The following FABP6 variants were observed in gnomAD, a reference collection of about 807,000 sequenced individuals.
FABP6 encodes gastrotropin.
Under a neutral mutation model 14.9 loss-of-function variants are expected in FABP6, and 13 were observed. That is an observed-to-expected ratio of 0.87 (90% CI 0.57 to 1.39). FABP6 has a LOEUF of 1.39. Ranked by LOEUF, FABP6 falls within the 40% of genes most tolerant of loss-of-function variation. FABP6 has a pLI of 0.00. For missense variants in FABP6, 161 were observed against 167.2 expected (o/e 0.96, Z 0.20); for synonymous variants, 75 against 63.6 (o/e 1.18, Z -0.85).
chr5:160,235,154 C>T (rs901683169), intron 3 of FABP6, among the ~76,000 whole-genome samples: 1 of 152,146 alleles, frequency 6.6e-6, no homozygotes, highest in African/African-American at 2.4e-5. Flanking sequence ...ACAGATTTGA[C>T]GACAGAGCTG....
At chr5:160,208,346 G>A (rs1463964255) in intron 2 of FABP6, among the ~76,000 whole-genome samples, 1 of 152,108 alleles carries the variant, frequency 6.6e-6, no homozygotes. Context: ...GCTGAGGTGG[G>A]AGGATCGCTT....
chr5:160,237,098 T>C (rs532585139), intron 3 of FABP6, among the ~76,000 whole-genome samples: 201 of 152,296 alleles, frequency 1.3e-3, no homozygotes, highest in Non-Finnish European at 1.1e-3. Flanking sequence ...TTGAAGGATC[T>C]GATGAAAGGG....
chr5:160,232,063 T>G, intron 1 of FABP6, 35 bp from the exon 2 acceptor site: 7 of 1,609,570 alleles, frequency 4.3e-6, no homozygotes, highest in Non-Finnish European at 5.9e-6. Flanking sequence ...TAAAAGCAGC[T>G]CTTATATGGC....
chr5:160,187,789 G>T (rs557406791), intron 1 of FABP6, among the ~76,000 whole-genome samples: 21 of 150,784 alleles, frequency 1.4e-4, no homozygotes, highest in African/African-American at 4.8e-4. Flanking sequence ...TTTCGCTCTT[G>T]CTGCCCAGGC....
rs1208421331 is a variant in FABP6 at position 160,214,084 on chromosome 5, CCTTTCTCTTTCTTTCTTT to C, written c.135+272_135+289del. Among the ~76,000 whole-genome samples, 481 of 149,988 alleles carry C rather than the reference CCTTTCTCTTTCTTTCTTT, an allele frequency of 3.2e-3. 2 individuals carry two copies. The highest frequency in any genetic ancestry group is 6.9e-3 in the Middle Eastern group (2 of 290). ...AGCTAGCTCAAGTAGGTTTTGCCTGCCTTTCTCTTTCTTTCTTTCTTTCTTTCTTTCTTTCTTTCTTTC... is the reference window on the plus strand; with the variant it reads ...AGCTAGCTCAAGTAGGTTTTGCCTGCCTTTCTTTCTTTCTTTCTTTCTTTC... On this transcript the variant is annotated intron_variant, in intron 3 of 6. Transcript: ENST00000393980.
intron 3 of FABP6, among the ~76,000 whole-genome samples, chr5:160,214,336 T>A (rs573905063): frequency 2.0e-5 from 3 of 151,320 alleles, no homozygotes; most frequent in Non-Finnish European, 3.0e-5. Flanking sequence ...GTTAATTTTT[T>A]AAATTTTTTG....
At chr5:160,212,061 C>T (rs1371474925) in intron 2 of FABP6, among the ~76,000 whole-genome samples, 2 of 148,204 alleles carry the variant, frequency 1.3e-5, no homozygotes, top group African/African-American at 5.0e-5. Flanking sequence ...GATCTCAGCT[C>T]ACTGTAACCT....
intron 3 of FABP6, among the ~76,000 whole-genome samples, chr5:160,224,445 A>T (rs1238185725): frequency 6.6e-6 from 1 of 152,074 alleles, no homozygotes; most frequent in East Asian, 1.9e-4. Context: ...AATTAGGCCA[A>T]TTAATAAGCT....
chr5:160,213,925 T>C, intron 3 of FABP6: 5 of 892,574 alleles, frequency 5.6e-6, no homozygotes, highest in Non-Finnish European at 9.2e-6. Flanking sequence ...CTCCTTGAGA[T>C]CCTTCTGCAT....
At position 160,223,570 on chromosome 5, in the gene FABP6, C is replaced by T. The variant is rs537558875; in HGVS notation, c.136-5976C>T. Among the ~76,000 whole-genome samples, 25 of 151,706 alleles carry T rather than the reference C, an allele frequency of 1.6e-4. 1 individual carries two copies. Among genetic ancestry groups the T allele is most frequent in the South Asian group, 1.5e-3 (7 of 4,784 alleles). Reference sequence around the variant, plus strand: ...TCAAGTAGCTGGGACTACAGGCACACGCCACCACACTTGGCTAATTTAAAC... The same window carrying T: ...TCAAGTAGCTGGGACTACAGGCACATGCCACCACACTTGGCTAATTTAAAC... On this transcript the variant is annotated intron_variant, in intron 3 of 6. Coordinates refer to the FABP6 transcript ENST00000393980.
chr5:160,198,529 A>T (rs1759563213), intron 1 of FABP6: 1 of 152,866 alleles, frequency 6.5e-6, no homozygotes, highest in African/African-American at 2.4e-5. Flanking sequence ...TGCCATCCCC[A>T]TGCCTAAAGC....
At chr5:160,189,084 A>G (rs1265616352) in intron 1 of FABP6, among the ~76,000 whole-genome samples, 2 of 152,032 alleles carry the variant, frequency 1.3e-5, no homozygotes, top group Non-Finnish European at 2.9e-5. Context: ...CGGGTTTTGC[A>G]GGCCACACTC....
intron 1 of FABP6, among the ~76,000 whole-genome samples, chr5:160,193,225 C>T (rs755713902): frequency 6.6e-6 from 1 of 152,030 alleles, no homozygotes; most frequent in Non-Finnish European, 1.5e-5. Context: ...AGGGGTGAAA[C>T]TGCAGACTTT....
chr5:160,202,798 C>CA (rs201563241), intron 2 of FABP6, among the ~76,000 whole-genome samples: 415 of 127,732 alleles, frequency 3.2e-3, no homozygotes, highest in South Asian at 6.6e-3. Context: ...AACTCCATCT[C>CA]AAAAAAAAAA....
intron 2 of FABP6, among the ~76,000 whole-genome samples, chr5:160,205,129 A>C (rs1759733789): frequency 6.6e-6 from 1 of 152,078 alleles, no homozygotes; most frequent in Non-Finnish European, 1.5e-5. Context: ...GTTTTGGCAG[A>C]GTTATGATAA....
Position 160,193,649 on chromosome 5 carries a change from C to T in FABP6, c.-58-5400C>T, listed in dbSNP as rs550837031. Among the ~76,000 whole-genome samples, 4 of 152,294 alleles carry T rather than the reference C, an allele frequency of 2.6e-5. No homozygotes were observed. In the South Asian group the frequency reaches 6.2e-4, roughly 24 times the overall value. On this transcript the variant is annotated intron_variant, in intron 1 of 6. Coordinates refer to the FABP6 transcript ENST00000393980. ...ACACAAAGGTTCTCCAAGGCCCCAC[C>T]AGAGCAGCTAGATACAGTGTCGATT...
chr5:160,208,504 T>C (rs1759816406), intron 2 of FABP6, among the ~76,000 whole-genome samples: 1 of 152,162 alleles, frequency 6.6e-6, no homozygotes. Flanking sequence ...TTCAATCTCA[T>C]GTTGAAGCTT....
rs1320645081 is a variant in FABP6, at chr5:160,232,258, G to A, written c.228G>A (p.Gly76=). The A allele has an allele frequency of 1.2e-6, 2 of 1,608,828 alleles. No homozygotes were observed. Residue 76 remains glycine, a synonymous_variant, in exon 2 of 4, where the codon GGG becomes GGA. Transcript: ENST00000402432. The part of the protein sequence containing the change: ...VGKESNIQTM[G]GKTFKATVQM... ...AGGAAAGCAACATACAGACAATGGGGGGCAAGACGTTCAAGGTGAGAGGCC... is the reference window on the plus strand; with the variant it reads ...AGGAAAGCAACATACAGACAATGGGAGGCAAGACGTTCAAGGTGAGAGGCC...
intron 2 of FABP6, among the ~76,000 whole-genome samples, chr5:160,208,633 T>A (rs964524921): frequency 4.6e-5 from 7 of 152,114 alleles, no homozygotes; most frequent in Admixed American, 3.9e-4. Context: ...GGATTAGTTA[T>A]CATGAGAGTG....
Sources: allele counts gnomAD v4.1 joint callset (sites outside exome capture counted in the v4.1 genomes callset), GRCh38; gene constraint gnomAD v4.1.1; transcripts MANE v1.5; gene names NCBI Gene and HGNC (gene_info 2026-07-23, HGNC 2026-07-21).